Variants in MYO3B observed in about 807,000 individuals in gnomAD.
The protein encoded by MYO3B is myosin-IIIb.
Under a neutral mutation model 174.6 loss-of-function variants are expected in MYO3B, and 156 were observed. The ratio of observed to expected loss-of-function variants is 0.89; its 90% CI spans 0.78 to 1.02. The LOEUF is 1.02. Ranked by LOEUF, MYO3B falls within the 50% of genes least tolerant of loss-of-function variation. The pLI is 0.00. For synonymous variants in MYO3B, 563 were observed against 569.1 expected, an observed-to-expected ratio of 0.99 and a Z score of 0.15; for missense variants, 1,632 against 1,639.4, an observed-to-expected ratio of 1.00 and a Z score of 0.08.
At chr2:170,455,773 G>A (rs757072095) in intron 23 of MYO3B, among the ~76,000 whole-genome samples, 12 of 152,130 alleles carry the variant, frequency 7.9e-5, no homozygotes, top group Non-Finnish European at 1.5e-4. Context: ...CTACTCTGAA[G>A]GCTAATCATT....
chr2:170,312,889 G>A (rs2093749433), intron 7 of MYO3B, among the ~76,000 whole-genome samples: 1 of 152,140 alleles, frequency 6.6e-6, no homozygotes, highest in Non-Finnish European at 1.5e-5. Context: ...TCTATGGAGT[G>A]CTGATTTTCA....
At chr2:170,367,795 A>G (rs1460224230) in intron 8 of MYO3B, among the ~76,000 whole-genome samples, 2 of 152,240 alleles carry the variant, frequency 1.3e-5, no homozygotes, top group Non-Finnish European at 1.5e-5. Flanking sequence ...TATTTTTCAC[A>G]GAAAAATAAT....
At chr2:170,519,614 G>A in intron 30 of MYO3B, 74 bp downstream of exon 30, 1 of 1,187,754 alleles carries the variant, frequency 8.4e-7, no homozygotes, top group South Asian at 1.3e-5. Context: ...AAATGGTAAT[G>A]GATAATGCAA....
At chr2:170,351,710 C>T (rs1378136687) in intron 8 of MYO3B, among the ~76,000 whole-genome samples, 5 of 152,138 alleles carry the variant, frequency 3.3e-5, no homozygotes, top group Admixed American at 3.3e-4. Flanking sequence ...AATTTCAGAA[C>T]ACCTGAATAA....
rs143504203 is a variant in MYO3B at position 170,465,153 on chromosome 2, A to G, written c.2809-1353A>G. 2.9e-3 allele frequency among the ~76,000 whole-genome samples: 434 copies of G among 152,124 alleles called. 5 individuals carry two copies. The highest frequency in any genetic ancestry group is 0.02 in the Middle Eastern group (6 of 294). On this transcript the variant is annotated intron_variant, in intron 24 of 34. Transcript: ENST00000408978. ...CTCCCAAAGTGCTAGGGTTACAGGCATGAGCCACTGTGCCCAGCCAAGACT... is the reference window on the plus strand; with the variant it reads ...CTCCCAAAGTGCTAGGGTTACAGGCGTGAGCCACTGTGCCCAGCCAAGACT...
At chr2:170,497,229 A>G (rs1160318573) in intron 25 of MYO3B, among the ~76,000 whole-genome samples, 1 of 150,654 alleles carries the variant, frequency 6.6e-6, no homozygotes, top group African/African-American at 2.4e-5. Context: ...GTCTTGCTAA[A>G]TTTCCTCAGT....
At chr2:170,419,629 G>A (rs77102657) in intron 22 of MYO3B, among the ~76,000 whole-genome samples, 1,889 of 152,240 alleles carry the variant, frequency 0.012, 45 homozygotes, top group African/African-American at 0.043. Context: ...TTAATTGTGG[G>A]GCATGTGGGG....
chr2:170,217,425 G>T lies in MYO3B; in HGVS notation c.603+30G>T, dbSNP rs144380985. ...GCTGGAAATACCTAGTTCTTTCTTT[G>T]CACTTGTTGAATGCCTTGGTACTAT... On this transcript the variant is annotated intron_variant, in intron 6 of 34. Coordinates refer to ENST00000408978, the MANE Select transcript of MYO3B (RefSeq NM_138995.5). The T allele has an allele frequency of 1.7e-4, 261 of 1,577,708 alleles. No homozygotes were observed. In the African/African-American group the frequency reaches 3.2e-3, roughly 19 times the overall value.
intron 32 of MYO3B, among the ~76,000 whole-genome samples, chr2:170,627,852 G>A (rs1002141940): frequency 6.6e-6 from 1 of 152,132 alleles, no homozygotes; most frequent in African/African-American, 2.4e-5. Flanking sequence ...CCAGCGGAGG[G>A]TGTAGATCAG....
At chr2:170,254,435 G>T (rs145970546) in intron 7 of MYO3B, among the ~76,000 whole-genome samples, 4 of 152,132 alleles carry the variant, frequency 2.6e-5, no homozygotes, top group Admixed American at 1.3e-4. Flanking sequence ...CGGGACTCGG[G>T]GGGGCGCATC....
intron 8 of MYO3B, among the ~76,000 whole-genome samples, chr2:170,351,696 C>A (rs939363462): frequency 1.3e-5 from 2 of 152,134 alleles, no homozygotes; most frequent in African/African-American, 4.8e-5. Flanking sequence ...AGCCTGCCAA[C>A]TGAAATTTCA....
intron 32 of MYO3B, among the ~76,000 whole-genome samples, chr2:170,566,146 C>A (rs879552132): frequency 2.6e-5 from 4 of 152,158 alleles, no homozygotes; most frequent in Admixed American, 2.6e-4. Context: ...TTAGAAACTT[C>A]TGCAAGTTTC....
chr2:170,626,523 A>C (rs1696447670), intron 32 of MYO3B, among the ~76,000 whole-genome samples: 2 of 151,986 alleles, frequency 1.3e-5, no homozygotes, highest in South Asian at 4.1e-4. Context: ...AGTCTGTGTC[A>C]ATTGGAGCAT....
intron 7 of MYO3B, among the ~76,000 whole-genome samples, chr2:170,255,722 G>C (rs1042129989): frequency 6.6e-6 from 1 of 152,128 alleles, no homozygotes; most frequent in African/African-American, 2.4e-5. Flanking sequence ...CAGCCAAAGA[G>C]CTCCGGCAAT....
chr2:170,180,240 A>G lies in MYO3B; in HGVS notation c.2+1951A>G, dbSNP rs138636189. 2.9e-5 allele frequency: 11 copies of G among 373,868 alleles called. No homozygotes were observed. In the East Asian group the frequency reaches 8.1e-4, roughly 28 times the overall value. 23.2% of individuals were successfully genotyped at this position (373,868 alleles called of 1,614,324 possible). ...GGTATTCAACAAGGGATCAGACTAG[A>G]CCAATTTGGGGTTGTTAAGGAACTA... On this transcript the variant is annotated intron_variant, in intron 1 of 34. Coordinates refer to ENST00000408978, the MANE Select transcript of MYO3B (RefSeq NM_138995.5).
intron 6 of MYO3B, among the ~76,000 whole-genome samples, chr2:170,230,142 A>G (rs2092997787): frequency 6.6e-6 from 1 of 150,686 alleles, no homozygotes; most frequent in Non-Finnish European, 1.5e-5. Flanking sequence ...TTCTTCTGGT[A>G]TTAATCTCAT....
At chr2:170,494,247 GA>G (rs144080613) in intron 25 of MYO3B, among the ~76,000 whole-genome samples, 9,633 of 152,080 alleles carry the variant, frequency 0.063, 945 homozygotes, top group African/African-American at 0.21. Flanking sequence ...ACTCTTCCTT[GA>G]AACAGCCTGC....
chr2:170,219,694 A>C (rs1356508691), intron 6 of MYO3B, among the ~76,000 whole-genome samples: 1 of 152,288 alleles, frequency 6.6e-6, no homozygotes, highest in South Asian at 2.1e-4. Flanking sequence ...ATCTGTAAGA[A>C]AGCCAAAGGG....
rs183365691 is a variant in MYO3B at position 170,326,967 on chromosome 2, G to A, written c.750-8418G>A. Among the ~76,000 whole-genome samples the A allele has an allele frequency of 9.8e-5, 15 of 152,304 alleles. No homozygotes were observed. The East Asian group carries it at 2.3e-3, about 24-fold the overall frequency. On this transcript the variant is annotated intron_variant, in intron 7 of 34. Coordinates refer to ENST00000408978, the MANE Select transcript of MYO3B (RefSeq NM_138995.5). ...TGTCACTTACTGACTATAGTGGTTA[G>A]GAATGGTTTATTATGAACTGGGTGA...
Sources: gnomAD v4.1 joint callset for allele counts (sites outside exome capture counted in the v4.1 genomes callset) on GRCh38, gnomAD v4.1.1 for gene constraint, MANE v1.5 for transcripts, NCBI Gene and HGNC (gene_info 2026-07-23, HGNC 2026-07-21) for gene names.